Variants in FRAS1 observed in about 807,000 individuals in gnomAD.
The protein encoded by FRAS1 is Fraser extracellular matrix complex subunit 1.
FRAS1 carries 290 observed loss-of-function variants against 435.2 expected under a neutral mutation model. That is an observed-to-expected ratio of 0.67 (90% CI 0.61 to 0.73). FRAS1 has a LOEUF of 0.73. FRAS1 is among the 30% of genes least tolerant of loss of function. The pLI is 0.00. For synonymous variants in FRAS1, 1,800 were observed against 1,851.0 expected (o/e 0.97, Z 0.71); for missense variants, 4,860 against 5,001.5 (o/e 0.97, Z 0.85).
At chr4:78,480,615 C>T (rs1188883930) in intron 56 of FRAS1, among the ~76,000 whole-genome samples, 4 of 152,220 alleles carry the variant, frequency 2.6e-5, no homozygotes, top group African/African-American at 9.6e-5. Flanking sequence ...TGTCTTCATA[C>T]AGTGAAACTT....
intron 35 of FRAS1, among the ~76,000 whole-genome samples, chr4:78,424,674 G>A (rs943322368): frequency 1.3e-5 from 2 of 152,186 alleles, no homozygotes; most frequent in South Asian, 4.2e-4. Flanking sequence ...CAGGCATGGT[G>A]GCTTATGCCT....
At chr4:78,430,541 T>C in intron 37 of FRAS1, 124 bp downstream of exon 37, 1 of 979,960 alleles carries the variant, frequency 1.0e-6, no homozygotes, top group Non-Finnish European at 1.4e-6. Context: ...AGGAGCTATT[T>C]TGTGTGTAGT....
At position 78,255,649 on chromosome 4, in the gene FRAS1, T is replaced by C. The variant is rs189795196; in HGVS notation, c.603+274T>C. ...GGAAGCCTCCAGCTCTAATGGCAGA[T>C]GCTCCAAAAATGTCAAGCTAAACAT... On this transcript the variant is annotated intron_variant, in intron 6 of 73. Coordinates refer to ENST00000512123, the MANE Select transcript of FRAS1 (RefSeq NM_025074.7). 1.3e-4 allele frequency among the ~76,000 whole-genome samples: 20 copies of C among 152,376 alleles called. No homozygotes were observed. In the East Asian group the frequency reaches 3.9e-3, roughly 29 times the overall value.
chr4:78,333,759 C>G (rs993937999), intron 19 of FRAS1, among the ~76,000 whole-genome samples: 1 of 152,134 alleles, frequency 6.6e-6, no homozygotes, highest in African/African-American at 2.4e-5. Flanking sequence ...AGAACTAGAA[C>G]TTAGTTCAGC....
chr4:78,328,019 C>A (rs1729787208), intron 18 of FRAS1, among the ~76,000 whole-genome samples: 1 of 152,176 alleles, frequency 6.6e-6, no homozygotes, highest in Admixed American at 6.5e-5. Flanking sequence ...CTAGTTAGTT[C>A]TTAAACATTT....
chr4:78,269,460 A>T (rs1462760956), intron 9 of FRAS1, among the ~76,000 whole-genome samples: 1 of 152,218 alleles, frequency 6.6e-6, no homozygotes, highest in Non-Finnish European at 1.5e-5. Flanking sequence ...GATACCAAGG[A>T]TGGATTAAGT....
rs1415712225 is a variant in FRAS1, at chr4:78,511,337, A to G, written c.9844A>G (p.Lys3282Glu). 1 of 1,613,536 alleles carries G rather than the reference A, an allele frequency of 6.2e-7. No individual in the cohort carries two copies. The highest frequency in any genetic ancestry group is 1.3e-5 in the African/African-American group (1 of 75,054). The change falls in exon 64 of 74, where the codon AAG (lysine) becomes GAG (glutamate). Residue 3282 changes from lysine to glutamate, a missense_variant. Transcript: ENST00000512123. Reference sequence around the variant, plus strand: ...GCGTTGTGTGGCCAAGGCTGTGGACAAGGTGGGCCATGTGGGGACCCCCTT... The same window carrying G: ...GCGTTGTGTGGCCAAGGCTGTGGACGAGGTGGGCCATGTGGGGACCCCCTT... ...HVRCVAKAVDKVGHVGTPLRS... is the reference protein window; with the variant it reads ...HVRCVAKAVDEVGHVGTPLRS...
At chr4:78,502,020 A>T (rs1234646020) in intron 61 of FRAS1, among the ~76,000 whole-genome samples, 1 of 152,170 alleles carries the variant, frequency 6.6e-6, no homozygotes, top group Non-Finnish European at 1.5e-5. Flanking sequence ...CAAAGATCAG[A>T]TGGTTGTAAA....
At chr4:78,181,626 G>T (rs1186105834) in intron 2 of FRAS1, 1 of 1,610,092 alleles carries the variant, frequency 6.2e-7, no homozygotes, top group Non-Finnish European at 8.5e-7. Flanking sequence ...TCTTCAAGTG[G>T]CTTTTCGAAT....
chr4:78,390,486 C>T (rs759617319), intron 29 of FRAS1, among the ~76,000 whole-genome samples: 1 of 152,194 alleles, frequency 6.6e-6, no homozygotes, highest in Non-Finnish European at 1.5e-5. Context: ...AACCATGAGA[C>T]TCTTTTCATT....
intron 27 of FRAS1, among the ~76,000 whole-genome samples, 171 bp from the exon 28 acceptor site, chr4:78,383,888 T>C (rs1360896769): frequency 1.3e-5 from 2 of 152,206 alleles, no homozygotes; most frequent in East Asian, 1.9e-4. Context: ...AATCTTACTA[T>C]GTTCATCTTT....
chr4:78,341,577 T>G (rs117492663), intron 20 of FRAS1, among the ~76,000 whole-genome samples: 1 of 152,266 alleles, frequency 6.6e-6, no homozygotes, highest in East Asian at 1.9e-4. Flanking sequence ...CATCTCAGAT[T>G]GCTGTTTTGT....
intron 5 of FRAS1, among the ~76,000 whole-genome samples, chr4:78,253,672 G>T (rs537637706): frequency 6.6e-6 from 1 of 152,082 alleles, no homozygotes; most frequent in South Asian, 2.1e-4. Flanking sequence ...CCTTGCACTT[G>T]GAAGGGCGCA....
intron 2 of FRAS1, among the ~76,000 whole-genome samples, chr4:78,167,493 A>G (rs755376281): frequency 6.6e-6 from 1 of 152,060 alleles, no homozygotes; most frequent in Non-Finnish European, 1.5e-5. Flanking sequence ...GCTCTACTCT[A>G]GAAAGCTACT....
At chr4:78,345,442 T>C (rs1480573283) in intron 20 of FRAS1, among the ~76,000 whole-genome samples, 1 of 152,186 alleles carries the variant, frequency 6.6e-6, no homozygotes, top group East Asian at 1.9e-4. Context: ...CAAGGATCTT[T>C]CTTCTTAGTG....
At position 78,540,964 on chromosome 4, in the gene FRAS1, A is replaced by G. The variant is rs1460087980; in HGVS notation, c.11879A>G (p.Asp3960Gly). The G allele has an allele frequency of 2.5e-6, 4 of 1,613,688 alleles. No homozygotes were observed. Among genetic ancestry groups the G allele is most frequent in the Non-Finnish European group, 3.4e-6 (4 of 1,179,846 alleles). ...TKVEVPKRHP[D>G]RVEKNVNRHY... ...GTAGAAGTGCCCAAGAGGCACCCGG[A>G]CCGGGTGGAGAAGAACGTGAATAGA... Residue 3960 changes from aspartate to glycine, a missense_variant, in exon 74 of 74, where the codon GAC becomes GGC. Coordinates refer to ENST00000512123, the MANE Select transcript of FRAS1 (RefSeq NM_025074.7).
At chr4:78,337,270 A>C (rs1397444914) in intron 19 of FRAS1, among the ~76,000 whole-genome samples, 1 of 152,138 alleles carries the variant, frequency 6.6e-6, no homozygotes, top group African/African-American at 2.4e-5. Context: ...ATTTCTGAGA[A>C]GCAAAATGTC....
In FRAS1 at chr4:78,534,578, A is replaced by G; in HGVS notation, c.11055A>G (p.Ser3685=). ...FLMDPNTSDM[S]LAEMDYKGAF... is the part of the protein sequence containing the mutation. ...TGGATCCCAATACATCTGATATGTC[A>G]CTAGCAGAAATGGATTACAAAGGAG... The change falls in exon 71 of 74, where the codon TCA becomes TCG. Residue 3685 remains serine, a synonymous_variant. Coordinates refer to ENST00000512123, the MANE Select transcript of FRAS1 (RefSeq NM_025074.7). 1.2e-6 allele frequency: 2 copies of G among 1,613,546 alleles called. No individual in the cohort carries two copies. The highest frequency in any genetic ancestry group is 1.7e-6 in the Non-Finnish European group (2 of 1,179,612).
intron 2 of FRAS1, among the ~76,000 whole-genome samples, chr4:78,101,583 C>G (rs1334721570): frequency 1.3e-5 from 2 of 151,948 alleles, no homozygotes; most frequent in African/African-American, 4.8e-5. Context: ...CATTAGTTAC[C>G]TATGGCAGAA....
Sources: gnomAD v4.1 joint callset for allele counts (sites outside exome capture counted in the v4.1 genomes callset) on GRCh38, gnomAD v4.1.1 for gene constraint, MANE v1.5 for transcripts, NCBI Gene and HGNC (gene_info 2026-07-23, HGNC 2026-07-21) for gene names.